Variants in GRIK3 observed in about 807,000 individuals in gnomAD.
GRIK3 encodes glutamate receptor ionotropic, kainate 3.
In GRIK3, 29 loss-of-function variants were observed where a neutral mutation model predicts 102.5. That is an observed-to-expected ratio of 0.28 (90% CI 0.21 to 0.39). The LOEUF (loss-of-function observed/expected upper bound fraction) is 0.39. Among genes scored for constraint, GRIK3 ranks in the 10% least tolerant of loss-of-function variants. GRIK3 has a pLI of 1.00. For synonymous variants in GRIK3, 511 were observed against 504.9 expected, an observed-to-expected ratio of 1.01 and a Z score of -0.16; for missense variants, 908 against 1,252.4, an observed-to-expected ratio of 0.73 and a Z score of 4.15.
At chr1:36,933,915 G>T (rs566325883) in intron 1 of GRIK3, among the ~76,000 whole-genome samples, 1 of 152,148 alleles carries the variant, frequency 6.6e-6, no homozygotes, top group African/African-American at 2.4e-5. Flanking sequence ...TGAGCATCTC[G>T]CCCCCCACCA....
At chr1:36,921,367 T>C (rs1036122671) in intron 1 of GRIK3, among the ~76,000 whole-genome samples, 3 of 152,214 alleles carry the variant, frequency 2.0e-5, no homozygotes, top group African/African-American at 7.2e-5. Flanking sequence ...ATGTCCTTAC[T>C]ACAGATCTGG....
intron 1 of GRIK3, among the ~76,000 whole-genome samples, chr1:37,006,507 G>C (rs1642534713): frequency 6.6e-6 from 1 of 152,260 alleles, no homozygotes; most frequent in African/African-American, 2.4e-5. Context: ...TAAACACAGA[G>C]AAAACATTAA....
At chr1:36,851,152 G>C (rs1640579982) in intron 8 of GRIK3, among the ~76,000 whole-genome samples, 1 of 152,088 alleles carries the variant, frequency 6.6e-6, no homozygotes, top group Non-Finnish European at 1.5e-5. Flanking sequence ...GGCCCAGTTA[G>C]GGGGGCTACT....
Position 36,891,067 on chromosome 1 carries a change from T to A in GRIK3, c.145A>T (p.Asn49Tyr). ...GGIFEYADGP[N>Y]AQVMNAEEHA... ...TCCTCGGCATTCATGACCTGGGCGT[T>A]GGGGCCGTCCGCATACTCGAAGATT... The change falls in exon 2 of 16, where the codon AAC becomes TAC. Residue 49 changes from asparagine to tyrosine, a missense_variant. This residue lies in a region of GRIK3 where 585 missense variants were observed against 824.9 expected (regional missense o/e 0.71). Coordinates refer to ENST00000373091, the MANE Select transcript of GRIK3 (RefSeq NM_000831.4). 1 of 1,613,732 alleles carries A rather than the reference T, an allele frequency of 6.2e-7. No homozygotes were observed. Among genetic ancestry groups the A allele is most frequent in the South Asian group, 1.1e-5 (1 of 90,970 alleles).
chr1:36,909,336 T>C (rs1641320403), intron 1 of GRIK3, among the ~76,000 whole-genome samples: 1 of 151,322 alleles, frequency 6.6e-6, no homozygotes, highest in African/African-American at 2.4e-5. Context: ...TCTTGCTGTG[T>C]CACCCAGGCT....
chr1:36,848,416 C>T (rs943502445), intron 9 of GRIK3, among the ~76,000 whole-genome samples: 1 of 152,112 alleles, frequency 6.6e-6, no homozygotes, highest in Non-Finnish European at 1.5e-5. Context: ...TTTTATGCAG[C>T]TCTGCTTTTA....
intron 1 of GRIK3, among the ~76,000 whole-genome samples, chr1:36,894,664 C>T (rs1052211877): frequency 1.1e-4 from 16 of 152,134 alleles, no homozygotes; most frequent in Non-Finnish European, 1.9e-4. Flanking sequence ...CCATGGGAAT[C>T]GGTGTGCAGG....
chr1:36,895,765 A>T (rs955117809), intron 1 of GRIK3, among the ~76,000 whole-genome samples: 1 of 152,188 alleles, frequency 6.6e-6, no homozygotes, highest in Non-Finnish European at 1.5e-5. Context: ...CTGATCTAGG[A>T]TCCTTAGAGC....
chr1:37,024,519 G>C (rs1642747654), intron 1 of GRIK3, among the ~76,000 whole-genome samples: 1 of 150,452 alleles, frequency 6.6e-6, no homozygotes, highest in South Asian at 2.1e-4. Flanking sequence ...GGCTGAAGCG[G>C]GCAGATCACA....
Position 36,819,560 on chromosome 1 carries a change from G to A in GRIK3, c.1873+176C>T, listed in dbSNP as rs185129849. Among the ~76,000 whole-genome samples the A allele has an allele frequency of 6.6e-6, 1 of 152,330 alleles. No homozygotes were observed. The highest frequency in any genetic ancestry group is 1.9e-4 in the East Asian group (1 of 5,176). On this transcript the variant is annotated intron_variant, in intron 12 of 15. Coordinates refer to ENST00000373091, the MANE Select transcript of GRIK3 (RefSeq NM_000831.4). This position sits in a 1 kb window ranked among gnomAD's most constrained non-coding sequence, Gnocchi z 4.1. ...CAGCCAGAGTGAAGGTGGAAGTTAG[G>A]GGTCTGGGGCAAGGGCACACACCTG...
rs1002090723 is a variant in GRIK3, at chr1:36,799,237, C to A, written c.*2614G>T. 6.6e-6 allele frequency: 1 copy of A among 152,230 alleles called. No individual in the cohort carries two copies. The highest frequency in any genetic ancestry group is 1.5e-5 in the Non-Finnish European group (1 of 68,042). 9.4% of individuals were successfully genotyped at this position (152,230 alleles called of 1,614,324 possible). A position where few individuals can be genotyped will look rare whatever the true frequency, so the allele number is the denominator to read the frequency against. ...GTGCCCCCGTCTCCTGGCAAGTGTG[C>A]CCATGCAACCTTGGAACCTCTCTGT... On this transcript the variant is annotated 3_prime_UTR_variant, in exon 16 of 16. Transcript: ENST00000373091.
chr1:36,925,649 G>A (rs933813532), intron 1 of GRIK3, among the ~76,000 whole-genome samples: 5 of 152,224 alleles, frequency 3.3e-5, no homozygotes, highest in African/African-American at 7.2e-5. Flanking sequence ...CAGCCAGTGT[G>A]GCCACTGCCA....
intron 2 of GRIK3, among the ~76,000 whole-genome samples, chr1:36,886,199 C>T (rs1415736143): frequency 6.6e-6 from 1 of 152,118 alleles, no homozygotes; most frequent in Non-Finnish European, 1.5e-5. Context: ...AGGCCCCCGG[C>T]CTCATGTGGA....
intron 9 of GRIK3, among the ~76,000 whole-genome samples, chr1:36,849,166 A>G (rs958792221): frequency 6.6e-6 from 1 of 152,140 alleles, no homozygotes; most frequent in African/African-American, 2.4e-5. Flanking sequence ...TTTCCCCATT[A>G]CTTCCCTTCC....
At chr1:36,860,155 C>A (rs908343795) in intron 5 of GRIK3, 138 bp from the exon 6 acceptor site, 1 of 621,870 alleles carries the variant, frequency 1.6e-6, no homozygotes, top group South Asian at 2.1e-5. Flanking sequence ...AGAGGGGGTG[C>A]GGGATATCGG....
intron 1 of GRIK3, among the ~76,000 whole-genome samples, chr1:36,904,553 A>G (rs1218819684): frequency 6.6e-6 from 1 of 152,236 alleles, no homozygotes; most frequent in East Asian, 1.9e-4. Context: ...TTGGAGATAT[A>G]TAAACACATT....
intron 1 of GRIK3, among the ~76,000 whole-genome samples, chr1:36,954,870 C>T (rs1641885056): frequency 6.6e-6 from 1 of 152,248 alleles, no homozygotes; most frequent in Non-Finnish European, 1.5e-5. Context: ...CAAGTGCCTG[C>T]AGGTGTGGAC....
At chr1:36,892,175 C>T (rs1032621068) in intron 1 of GRIK3, among the ~76,000 whole-genome samples, 14 of 152,124 alleles carry the variant, frequency 9.2e-5, no homozygotes, top group South Asian at 2.1e-4. Context: ...CATGCTGCTA[C>T]GCCCGGATAA....
chr1:36,903,066 C>G (rs565225569), intron 1 of GRIK3, among the ~76,000 whole-genome samples: 2 of 152,120 alleles, frequency 1.3e-5, no homozygotes, highest in African/African-American at 4.8e-5. Flanking sequence ...CTGGGATTAC[C>G]GTGAGCCACC....
Sources: allele counts gnomAD v4.1 joint callset (sites outside exome capture counted in the v4.1 genomes callset), GRCh38; gene constraint gnomAD v4.1.1; regional missense constraint gnomAD v4.1.1; non-coding constraint Gnocchi (gnomAD v3.1); transcripts MANE v1.5; gene names NCBI Gene and HGNC (gene_info 2026-07-23, HGNC 2026-07-21).